LARGE1: variants seen among roughly 807,000 people sequenced by gnomAD.
LARGE1 encodes the protein LARGE xylosyl- and glucuronyltransferase 1.
Under a neutral mutation model 87.6 loss-of-function variants are expected in LARGE1, and 43 were observed. The ratio of observed to expected loss-of-function variants is 0.49; its 90% CI spans 0.38 to 0.63. The LOEUF (loss-of-function observed/expected upper bound fraction) is 0.63. Among genes scored for constraint, LARGE1 ranks in the 30% least tolerant of loss-of-function variants. LARGE1 has a pLI of 0.00. For synonymous variants in LARGE1, 434 were observed against 394.6 expected (o/e 1.10, Z -1.18); for missense variants, 802 against 1,000.2 (o/e 0.80, Z 2.67).
chr22:33,131,682 A>G, the LARGE1 span, among the ~76,000 whole-genome samples: 1,708 of 152,298 alleles, frequency 0.011, 19 homozygotes, highest in Non-Finnish European at 0.017. Flanking sequence ...AAAGTATGGG[A>G]AAGACCCACC....
intron 2 of LARGE1, among the ~76,000 whole-genome samples, chr22:33,708,477 C>T (rs1476814225): frequency 6.6e-6 from 1 of 152,154 alleles, no homozygotes; most frequent in African/African-American, 2.4e-5. Context: ...TGATTGTCCT[C>T]ATACTATGTT....
chr22:33,668,840 C>T (rs1222276484), intron 2 of LARGE1, among the ~76,000 whole-genome samples: 1 of 152,198 alleles, frequency 6.6e-6, no homozygotes. Context: ...GCTGCTTCTT[C>T]TCACCTTTCT....
intron 1 of LARGE1, among the ~76,000 whole-genome samples, chr22:33,814,169 G>A (rs1460308660): frequency 1.3e-5 from 2 of 152,046 alleles, no homozygotes; most frequent in African/African-American, 4.8e-5. Flanking sequence ...CTCCAAGAAA[G>A]GCTAGTCAGA....
intron 10 of LARGE1, among the ~76,000 whole-genome samples, chr22:33,324,970 C>T (rs1490487473): frequency 6.6e-6 from 1 of 152,190 alleles, no homozygotes; most frequent in Admixed American, 6.5e-5. Context: ...ATCAACTCTA[C>T]AGATCAAGAA....
chr22:33,694,602 CT>C, intron 2 of LARGE1, among the ~76,000 whole-genome samples: 1 of 152,190 alleles, frequency 6.6e-6, no homozygotes, highest in African/African-American at 2.4e-5. Context: ...CCATCTTCAA[CT>C]TTTTGGCCAC....
chr22:33,410,955 C>T (rs2066287134), intron 7 of LARGE1, among the ~76,000 whole-genome samples: 1 of 152,210 alleles, frequency 6.6e-6, no homozygotes, highest in Non-Finnish European at 1.5e-5. Flanking sequence ...CTCTTCCCAT[C>T]ACAAATGTGT....
intron 9 of LARGE1, among the ~76,000 whole-genome samples, chr22:33,359,702 T>C (rs2064312488): frequency 6.7e-6 from 1 of 149,410 alleles, no homozygotes; most frequent in Admixed American, 6.6e-5. Flanking sequence ...TAGCTGGGAC[T>C]ACAGGCGCCC....
chr22:33,741,164 C>A (rs184550567), intron 2 of LARGE1, among the ~76,000 whole-genome samples: 1 of 152,202 alleles, frequency 6.6e-6, no homozygotes, highest in Non-Finnish European at 1.5e-5. Flanking sequence ...GAAGGCCACA[C>A]GTGTGGAATA....
chr22:33,326,179 G>C (rs939829798), intron 10 of LARGE1, among the ~76,000 whole-genome samples: 3 of 152,204 alleles, frequency 2.0e-5, no homozygotes, highest in African/African-American at 7.2e-5. Flanking sequence ...ACTGTTGAGT[G>C]AAGGTTCAGA....
chr22:33,740,795 T>C (rs2083853073), intron 2 of LARGE1, among the ~76,000 whole-genome samples: 1 of 152,168 alleles, frequency 6.6e-6, no homozygotes, highest in Non-Finnish European at 1.5e-5. Context: ...AGGTGCGCCA[T>C]TAAATAAAAG....
At chr22:33,449,026 C>G (rs1352920384) in intron 6 of LARGE1, among the ~76,000 whole-genome samples, 1 of 152,120 alleles carries the variant, frequency 6.6e-6, no homozygotes, top group East Asian at 1.9e-4. Context: ...TCCTGTTTGA[C>G]TTCTTGTACT....
chr22:33,305,411 T>G (rs1350691785), intron 11 of LARGE1: 4 of 172,616 alleles, frequency 2.3e-5, no homozygotes, highest in Non-Finnish European at 4.6e-5. Flanking sequence ...GAGAGGGTTC[T>G]GCAAAGACGT....
intron 7 of LARGE1, among the ~76,000 whole-genome samples, chr22:33,412,785 C>T (rs1052809501): frequency 7.2e-5 from 11 of 152,084 alleles, no homozygotes; most frequent in Non-Finnish European, 1.3e-4. Context: ...CTCAGCCTCC[C>T]GAGTAGCTGC....
At chr22:33,668,118 C>T (rs1428431221) in intron 2 of LARGE1, among the ~76,000 whole-genome samples, 1 of 152,178 alleles carries the variant, frequency 6.6e-6, no homozygotes, top group Non-Finnish European at 1.5e-5. Flanking sequence ...TTCCTTCCTG[C>T]ACTCATATTT....
At chr22:33,173,185 A>T (rs1922673205) in intron 11 of LARGE1, among the ~76,000 whole-genome samples, 1 of 152,224 alleles carries the variant, frequency 6.6e-6, no homozygotes, top group African/African-American at 2.4e-5. Context: ...ACAAGCCAGA[A>T]GAGAGTGAGG....
chr22:33,840,240 A>G (rs1030030440), intron 1 of LARGE1, among the ~76,000 whole-genome samples: 7 of 152,186 alleles, frequency 4.6e-5, no homozygotes, highest in African/African-American at 1.7e-4. Flanking sequence ...GAAAATGCAC[A>G]TCCCCTCACT....
intron 1 of LARGE1, among the ~76,000 whole-genome samples, chr22:33,830,057 T>C (rs909013500): frequency 3.3e-5 from 5 of 152,158 alleles, no homozygotes; most frequent in African/African-American, 2.4e-5. Context: ...CAATGACAGA[T>C]GTAACATACC....
intron 6 of LARGE1, among the ~76,000 whole-genome samples, chr22:33,554,029 T>G (rs959951435): frequency 1.2e-4 from 18 of 152,144 alleles, no homozygotes; most frequent in African/African-American, 4.1e-4. Flanking sequence ...CATGGCTGAC[T>G]TTTCAACGCA....
At chr22:33,262,434 G>T (rs542914888) in intron 11 of LARGE1, among the ~76,000 whole-genome samples, 19 of 152,290 alleles carry the variant, frequency 1.2e-4, no homozygotes, top group South Asian at 6.2e-4. Flanking sequence ...GCAGCCAGGG[G>T]ACACAGGCTA....
Sources: gnomAD v4.1 joint callset for allele counts (sites outside exome capture counted in the v4.1 genomes callset) on GRCh38, gnomAD v4.1.1 for gene constraint, MANE v1.5 for transcripts, NCBI Gene and HGNC (gene_info 2026-07-23, HGNC 2026-07-21) for gene names.